PTK2B: variants seen among roughly 807,000 people sequenced by gnomAD.
PTK2B encodes protein-tyrosine kinase 2-beta.
PTK2B carries 71 observed loss-of-function variants against 142.9 expected under a neutral mutation model. The observed-to-expected ratio is 0.50, with a 90% CI of 0.41 to 0.61. The LOEUF (loss-of-function observed/expected upper bound fraction) is 0.61, where lower values mean the gene tolerates loss of function less well. Among genes scored for constraint, PTK2B ranks in the 20% least tolerant of loss-of-function variants. The pLI is 0.00. For missense variants in PTK2B, 1,105 were observed against 1,320.4 expected, an observed-to-expected ratio of 0.84 and a Z score of 2.53; for synonymous variants, 519 against 503.4, an observed-to-expected ratio of 1.03 and a Z score of -0.42.
At chr8:27,323,491 A>T, upstream of PTK2B, 1 of 152,274 alleles carries the variant, frequency 6.6e-6, no homozygotes, top group East Asian at 1.9e-4. Context: ...AGCTTGAGAT[A>T]CAGAAGTAGA....
rs1389265570 is a variant in PTK2B, at chr8:27,459,386, C to T, written c.*877C>T. ...GGTTGAATTAAAATTGTCCCATTTG[C>T]TTTGCGGTTTGTTTTGTTTGTTTGA... On this transcript the variant is annotated 3_prime_UTR_variant, in exon 31 of 31. Coordinates refer to ENST00000346049, the MANE Select transcript of PTK2B (RefSeq NM_173176.3). 4.3e-6 allele frequency: 1 copy of T among 232,584 alleles called. No homozygotes were observed. The highest frequency in any genetic ancestry group is 8.5e-6 in the Non-Finnish European group (1 of 117,708). 14.4% of individuals were successfully genotyped at this position (232,584 alleles called of 1,614,324 possible). A position where few individuals can be genotyped will look rare whatever the true frequency, so the allele number is the denominator to read the frequency against.
intron 2 of PTK2B, among the ~76,000 whole-genome samples, chr8:27,416,479 T>C (rs1272435713): frequency 6.6e-6 from 1 of 152,104 alleles, no homozygotes. Flanking sequence ...ATGAATACCA[T>C]ATACAAAAAT....
At chr8:27,314,501 G>A (rs910598777) in intron 3 of PTK2B, among the ~76,000 whole-genome samples, 1 of 152,206 alleles carries the variant, frequency 6.6e-6, no homozygotes, top group Non-Finnish European at 1.5e-5. Flanking sequence ...GGGAACATAA[G>A]GCCAATTCAC....
At chr8:27,397,265 G>T (rs1262477007) in intron 1 of PTK2B, among the ~76,000 whole-genome samples, 2 of 152,196 alleles carry the variant, frequency 1.3e-5, no homozygotes, top group Non-Finnish European at 2.9e-5. Context: ...TGCCAGGGTG[G>T]AGGGAGGAAT....
At chr8:27,412,501 A>G (rs1033504533) in intron 2 of PTK2B, among the ~76,000 whole-genome samples, 2 of 152,186 alleles carry the variant, frequency 1.3e-5, no homozygotes, top group African/African-American at 4.8e-5. Context: ...ATCAGTAACC[A>G]GCAGTGGTGA....
chr8:27,437,278 G>A, intron 16 of PTK2B, 72 bp downstream of exon 16: 4 of 1,555,554 alleles, frequency 2.6e-6, no homozygotes, highest in Non-Finnish European at 3.5e-6. Flanking sequence ...GGGGTGAACA[G>A]TGCAGGGACC....
In PTK2B at chr8:27,458,742, T is replaced by C. The variant is rs896795640; in HGVS notation, c.*233T>C. ...ACAGGGTGACGGTGACAAAGATGGC[T>C]CAGAGGGGGACTGCTGCTGCCTGGC... On this transcript the variant is annotated 3_prime_UTR_variant, in exon 31 of 31. Coordinates refer to ENST00000346049, the MANE Select transcript of PTK2B (RefSeq NM_173176.3). 1.7e-6 allele frequency: 1 copy of C among 577,690 alleles called. No homozygotes were observed. Among genetic ancestry groups the C allele is most frequent in the Admixed American group, 3.1e-5 (1 of 32,684 alleles). 35.8% of individuals were successfully genotyped at this position (577,690 alleles called of 1,614,324 possible).
At position 27,439,016 on chromosome 8, in the gene PTK2B, A is replaced by T; in HGVS notation, c.1644-15A>T. The T allele has an allele frequency of 6.2e-7, 1 of 1,606,136 alleles. No individual in the cohort carries two copies. Among genetic ancestry groups the T allele is most frequent in the Admixed American group, 1.7e-5 (1 of 60,010 alleles). ...TGGGCAGTGCCTCATCCTGGTCTTG[A>T]TGCCCTTCTTCCAGGGACATTGCTG... is the stretch of plus-strand genomic sequence containing the variant. On this transcript the variant is annotated splice_polypyrimidine_tract_variant and intron_variant, in intron 18 of 30. Transcript: ENST00000346049.
chr8:27,404,078 G>A (rs563768684), intron 2 of PTK2B, among the ~76,000 whole-genome samples: 52 of 152,008 alleles, frequency 3.4e-4, no homozygotes, highest in Middle Eastern at 6.8e-3. Context: ...TATCCACAGT[G>A]CCCCTGTCCT....
intron 1 of PTK2B, among the ~76,000 whole-genome samples, chr8:27,385,144 C>T (rs559088973): frequency 6.6e-6 from 1 of 152,110 alleles, no homozygotes; most frequent in Non-Finnish European, 1.5e-5. Context: ...GGTAATGGTA[C>T]CTAGCTTTTG....
At chr8:27,454,504 G>A (rs767200115) in intron 29 of PTK2B, 27 bp from the exon 30 acceptor site, 21 of 1,608,936 alleles carry the variant, frequency 1.3e-5, no homozygotes, top group East Asian at 8.9e-5. Context: ...TAGGAGTGGC[G>A]GCCATCCTGC....
chr8:27,413,153 T>TGCATACAC (rs1809172920), intron 2 of PTK2B, among the ~76,000 whole-genome samples: 1 of 152,238 alleles, frequency 6.6e-6, no homozygotes, highest in Non-Finnish European at 1.5e-5. Context: ...CAGGCATACA[T>TGCATACAC]GCATACACAT....
chr8:27,350,228 A>G (rs750553069), intron 1 of PTK2B, among the ~76,000 whole-genome samples: 1 of 152,236 alleles, frequency 6.6e-6, no homozygotes. Flanking sequence ...AGGATACATT[A>G]AGCAAGAAAT....
At chr8:27,341,092 G>C (rs953256773) in intron 1 of PTK2B, among the ~76,000 whole-genome samples, 6 of 152,194 alleles carry the variant, frequency 3.9e-5, no homozygotes, top group Non-Finnish European at 7.3e-5. Context: ...ATGACACACA[G>C]AGGATGTTCA....
chr8:27,391,149 C>T (rs1563245786), intron 1 of PTK2B, among the ~76,000 whole-genome samples: 1 of 150,046 alleles, frequency 6.7e-6, no homozygotes, highest in African/African-American at 2.5e-5. Context: ...GGTGCAATCT[C>T]GGCTCGGTGC....
chr8:27,314,915 A>C (rs1203761504), intron 3 of PTK2B, among the ~76,000 whole-genome samples: 1 of 152,218 alleles, frequency 6.6e-6, no homozygotes, highest in African/African-American at 2.4e-5. Flanking sequence ...AGCCCAGGTG[A>C]CAGAGCCAGA....
rs772857998 is a variant in PTK2B at position 27,453,109 on chromosome 8, T to C, written c.2549-5T>C. 2.7e-5 allele frequency: 44 copies of C among 1,613,858 alleles called. No individual in the cohort carries two copies. Among genetic ancestry groups the C allele is most frequent in the African/African-American group, 1.3e-4 (10 of 74,884 alleles). Reference sequence around the variant, plus strand: ...GCCCCCCACTTGCTGTTCTTTTTATTGCAGTGGAGTTCACAGGGCCCCCAC... The same window carrying C: ...GCCCCCCACTTGCTGTTCTTTTTATCGCAGTGGAGTTCACAGGGCCCCCAC... On this transcript the variant is annotated splice_region_variant and splice_polypyrimidine_tract_variant and intron_variant, in intron 27 of 30. Transcript: ENST00000346049.
chr8:27,418,024 G>A (rs772565950), intron 2 of PTK2B, among the ~76,000 whole-genome samples: 2 of 152,222 alleles, frequency 1.3e-5, no homozygotes, highest in Non-Finnish European at 2.9e-5. Context: ...CCCCCAACCA[G>A]ATGTCCCTCT....
chr8:27,397,783 A>G lies in PTK2B; in HGVS notation c.199A>G (p.Ile67Val), dbSNP rs150603215. 191 of 1,613,950 alleles carry G rather than the reference A, an allele frequency of 1.2e-4. No individual in the cohort carries two copies. Among genetic ancestry groups the G allele is most frequent in the Middle Eastern group, 1.6e-4 (1 of 6,084 alleles). Residue 67 changes from isoleucine to valine, a missense_variant, in exon 2 of 31, where the codon ATC becomes GTC. Transcript: ENST00000346049. ...KLVKCTVQTE[I>V]REIITSILLS... is the part of the protein sequence containing the mutation. ...GGTCAAATGCACTGTCCAGACGGAG[A>G]TCCGGGTAAGTGTGAAGTGTCTGCC...
Sources: gnomAD v4.1 joint callset for allele counts (sites outside exome capture counted in the v4.1 genomes callset) on GRCh38, gnomAD v4.1.1 for gene constraint, MANE v1.5 for transcripts, NCBI Gene and HGNC (gene_info 2026-07-23, HGNC 2026-07-21) for gene names.